CYP2W1: variants seen among roughly 807,000 people sequenced by gnomAD.
The protein encoded by CYP2W1 is cytochrome P450 2W1.
Under a neutral mutation model 44.9 loss-of-function variants are expected in CYP2W1, and 51 were observed. The observed-to-expected ratio is 1.14, with a 90% CI of 0.91 to 1.43. CYP2W1 has a LOEUF of 1.43. Ranked by LOEUF, CYP2W1 falls within the 40% of genes most tolerant of loss-of-function variation. The pLI, the probability that CYP2W1 is intolerant of heterozygous loss-of-function variation, is 0.00. For missense variants in CYP2W1, 746 were observed against 700.0 expected, an observed-to-expected ratio of 1.07 and a Z score of -0.74; for synonymous variants, 383 against 338.3, an observed-to-expected ratio of 1.13 and a Z score of -1.45.
chr7:986,956 G>A, intron 5 of CYP2W1, 151 bp from the exon 6 acceptor site: 2 of 1,310,296 alleles, frequency 1.5e-6, no homozygotes, highest in Non-Finnish European at 2.0e-6. Flanking sequence ...CTGTGAAACG[G>A]GGCATCCATA....
chr7:988,143 C>T (rs1248685422), intron 7 of CYP2W1, 134 bp from the exon 8 acceptor site: 4 of 1,126,020 alleles, frequency 3.6e-6, no homozygotes, highest in African/African-American at 1.6e-5. Context: ...GTTTGGGTGC[C>T]TCACCTGCAA....
rs761459068 is a variant in CYP2W1, at chr7:985,306, G to T, written c.628G>T (p.Gly210Trp). Residue 210 changes from glycine to tryptophan, a missense_variant, in exon 4 of 9, where the codon GGG becomes TGG. Coordinates refer to ENST00000308919, the MANE Select transcript of CYP2W1 (RefSeq NM_017781.3). ...CATCGATGAGGTCATGGTCCTCTTGGGGTCCCCTGGCCTGCAGGTGAGGAG... is the reference window on the plus strand; with the variant it reads ...CATCGATGAGGTCATGGTCCTCTTGTGGTCCCCTGGCCTGCAGGTGAGGAG... ...GLIDEVMVLL[G>W]SPGLQLFNVY... is the part of the protein sequence containing the mutation. 6.4e-7 allele frequency: 1 copy of T among 1,551,086 alleles called. No homozygotes were observed. Among genetic ancestry groups the T allele is most frequent in the South Asian group, 1.2e-5 (1 of 84,110 alleles).
chr7:986,273 G>C (rs1375726916), intron 4 of CYP2W1: 2 of 255,078 alleles, frequency 7.8e-6, no homozygotes, highest in Non-Finnish European at 1.5e-5. Flanking sequence ...CTCAGTGGCG[G>C]CCCTGACTCT....
At chr7:987,286 C>A in intron 6 of CYP2W1, 41 bp downstream of exon 6, 1 of 1,507,766 alleles carries the variant, frequency 6.6e-7, no homozygotes, top group South Asian at 1.2e-5. Flanking sequence ...CTTCTGCCCC[C>A]GGGGGACCCC....
At chr7:984,897 G>A (rs1848205800) in intron 2 of CYP2W1, 53 bp from the exon 3 acceptor site, 11 of 1,529,766 alleles carry the variant, frequency 7.2e-6, no homozygotes, top group Admixed American at 3.9e-5. Flanking sequence ...CTTGCCTGGC[G>A]GGGCTGGCTG....
chr7:988,024 T>TG (rs869166692), intron 7 of CYP2W1, among the ~76,000 whole-genome samples: 2 of 148,556 alleles, frequency 1.3e-5, no homozygotes, highest in Non-Finnish European at 3.0e-5. Flanking sequence ...CTGTGTGTCC[T>TG]GGGGGTCCCC....
chr7:988,127 C>T, intron 7 of CYP2W1, 150 bp from the exon 8 acceptor site: 1 of 943,878 alleles, frequency 1.1e-6, no homozygotes, highest in Non-Finnish European at 1.5e-6. Context: ...CATGTGGCCT[C>T]CCTGGGTTTG....
Position 989,053 on chromosome 7 carries a change from G to C in CYP2W1, c.*231G>C, listed in dbSNP as rs1848622100. 1 of 470,806 alleles carries C rather than the reference G, an allele frequency of 2.1e-6. No individual in the cohort carries two copies. The highest frequency in any genetic ancestry group is 3.8e-6 in the Non-Finnish European group (1 of 266,044). 29.2% of individuals were successfully genotyped at this position (470,806 alleles called of 1,614,324 possible). A position where few individuals can be genotyped will look rare whatever the true frequency, so the allele number is the denominator to read the frequency against. On this transcript the variant is annotated 3_prime_UTR_variant, in exon 9 of 9. Coordinates refer to ENST00000308919, the MANE Select transcript of CYP2W1 (RefSeq NM_017781.3). ...TGATGCTGTCTGCAGCTCAGTCCCT[G>C]CCAGCCCCCAGGAGCGCCTCCAGGG... is the stretch of plus-strand genomic sequence containing the variant.
chr7:984,550 T>C lies in CYP2W1; in HGVS notation c.313T>C (p.Phe105Leu), dbSNP rs1848178825. The C allele has an allele frequency of 6.4e-7, 1 of 1,560,730 alleles. No homozygotes were observed. Among genetic ancestry groups the C allele is most frequent in the African/African-American group, 1.4e-5 (1 of 73,670 alleles). Residue 105 changes from phenylalanine (F) to leucine (L), a missense_variant, in exon 2 of 9, where the codon TTC becomes CTC. By Grantham distance (22) the Phe-to-Leu change is conservative. Coordinates refer to ENST00000308919, the MANE Select transcript of CYP2W1 (RefSeq NM_017781.3). Reference protein sequence around the residue: ...ELADRPPIAIFQLIQRGGGIF... With the variant: ...ELADRPPIAILQLIQRGGGIF... Reference sequence around the variant, plus strand: ...GGCCGACCGGCCTCCCATCGCCATCTTCCAGCTCATCCAGCGAGGTGGAGG... The same window carrying C: ...GGCCGACCGGCCTCCCATCGCCATCCTCCAGCTCATCCAGCGAGGTGGAGG...
Position 987,546 on chromosome 7 carries a change from C to T in CYP2W1, c.1143+15C>T, listed in dbSNP as rs1352258545. On this transcript the variant is annotated intron_variant, in intron 7 of 8. Coordinates refer to ENST00000308919, the MANE Select transcript of CYP2W1 (RefSeq NM_017781.3). ...TGCTCCCCAAGGTGGGGCTGGGCCTCCCTTGCCCCTTCCATCTCCTCTGGG... is the reference window on the plus strand; with the variant it reads ...TGCTCCCCAAGGTGGGGCTGGGCCTTCCTTGCCCCTTCCATCTCCTCTGGG... 3 of 1,504,304 alleles carry T rather than the reference C, an allele frequency of 2.0e-6. No individual in the cohort carries two copies. The highest frequency in any genetic ancestry group is 2.7e-6 in the Non-Finnish European group (3 of 1,125,112). The allele number at this position is 1,504,304 out of a possible 1,614,324, so 93.2% of individuals were successfully genotyped here.
intron 7 of CYP2W1, among the ~76,000 whole-genome samples, chr7:987,803 T>C (rs1199064143): frequency 6.6e-6 from 1 of 151,306 alleles, no homozygotes; most frequent in East Asian, 1.9e-4. Context: ...CCATGTGTCC[T>C]AGGCGATCCC....
chr7:984,876 C>A, intron 2 of CYP2W1, 74 bp from the exon 3 acceptor site: 1 of 1,516,602 alleles, frequency 6.6e-7, no homozygotes. Flanking sequence ...AGCCTGCTCA[C>A]TTCCTGCCCA....
At chr7:985,368 T>TG (rs1020724956) in intron 4 of CYP2W1, 45 bp downstream of exon 4, 2 of 1,532,862 alleles carry the variant, frequency 1.3e-6, no homozygotes, top group Middle Eastern at 1.7e-4. Flanking sequence ...GAGCCTGGAG[T>TG]GATGGGCGTG....
At chr7:984,596 C>A (rs571019656) in intron 2 of CYP2W1, 22 bp downstream of exon 2, 5 of 1,553,398 alleles carry the variant, frequency 3.2e-6, no homozygotes, top group Non-Finnish European at 4.3e-6. Context: ...GCCGGCGCTA[C>A]GGGGCCTACT....
intron 4 of CYP2W1, 185 bp from the exon 5 acceptor site, chr7:986,439 G>T: frequency 1.5e-6 from 1 of 661,948 alleles, no homozygotes. Context: ...GACACGGACA[G>T]GGGGTTTCCT....
chr7:983,870 G>A (rs1848113203), intron 1 of CYP2W1, among the ~76,000 whole-genome samples: 1 of 152,254 alleles, frequency 6.6e-6, no homozygotes, highest in Non-Finnish European at 1.5e-5. Flanking sequence ...AGGGTACGGG[G>A]ACACGGCACG....
chr7:985,148 G>A lies in CYP2W1; in HGVS notation c.488-18G>A, dbSNP rs1370719696. On this transcript the variant is annotated intron_variant, in intron 3 of 8. Transcript: ENST00000308919. Reference sequence around the variant, plus strand: ...CCTCCCCGGGCCTGGACGTGCCTGAGGCCCGTCTCCCTCGCAGGCCGGCCC... The same window carrying A: ...CCTCCCCGGGCCTGGACGTGCCTGAAGCCCGTCTCCCTCGCAGGCCGGCCC... 7 of 1,598,154 alleles carry A rather than the reference G, an allele frequency of 4.4e-6. No individual in the cohort carries two copies. Among genetic ancestry groups the A allele is most frequent in the Middle Eastern group, 1.7e-4 (1 of 6,026 alleles).
intron 7 of CYP2W1, among the ~76,000 whole-genome samples, chr7:987,965 CTCTG>C (rs1848512694): frequency 7.5e-6 from 1 of 133,996 alleles, no homozygotes; most frequent in African/African-American, 3.2e-5. Flanking sequence ...TGGGGGTCCC[CTCTG>C]TGTGTCCTGG....
Position 986,718 on chromosome 7 carries a change from TC to T in CYP2W1, c.742del (p.Leu248TrpfsTer21). 1.2e-6 allele frequency: 2 copies of T among 1,611,686 alleles called. No homozygotes were observed. Among genetic ancestry groups the T allele is most frequent in the Non-Finnish European group, 1.7e-6 (2 of 1,179,388 alleles). On this transcript the variant is annotated frameshift_variant, in exon 5 of 9. Transcript: ENST00000308919. LOFTEE classifies it high-confidence loss of function. Reference protein sequence around the residue: ...IEEVRAILRTLLEARRPHVCP... With the variant: ...IEEVRAILRTXLEARRPHVCP... ...GAGGTCCGTGCCATTCTGAGGACCC[TC>T]CTGGAGGCGCGGAGGCCCCACGTGT...
Sources: allele counts gnomAD v4.1 joint callset (sites outside exome capture counted in the v4.1 genomes callset), GRCh38; gene constraint gnomAD v4.1.1; transcripts MANE v1.5; gene names NCBI Gene and HGNC (gene_info 2026-07-23, HGNC 2026-07-21).